Variants in PABPC4L observed in about 807,000 individuals in gnomAD.
PABPC4L encodes the protein poly(A) binding protein cytoplasmic 4 like, also known as polyadenylate-binding protein 4-like.
For synonymous variants in PABPC4L, 169 were observed against 164.1 expected (o/e 1.03, Z -0.23); for missense variants, 452 against 451.4 (o/e 1.00, Z -0.01).
the PABPC4L span, among the ~76,000 whole-genome samples, chr4:134,060,444 T>C: frequency 7.3e-5 from 11 of 151,428 alleles, no homozygotes; most frequent in Non-Finnish European, 1.0e-4. Context: ...CCCATCCTTC[T>C]GCTTGAGGAG....
the PABPC4L span, among the ~76,000 whole-genome samples, chr4:134,166,184 A>G: frequency 6.6e-6 from 1 of 152,110 alleles, no homozygotes; most frequent in Non-Finnish European, 1.5e-5. Flanking sequence ...TACAATGTAC[A>G]CTACTCAGGT....
At chr4:134,181,598 A>C in the PABPC4L span, among the ~76,000 whole-genome samples, 1 of 152,030 alleles carries the variant, frequency 6.6e-6, no homozygotes, top group African/African-American at 2.4e-5. Flanking sequence ...AATTCATACA[A>C]TATGTTTCTA....
chr4:134,135,377 T>G, the PABPC4L span, among the ~76,000 whole-genome samples: 1 of 152,262 alleles, frequency 6.6e-6, no homozygotes, highest in East Asian at 1.9e-4. Flanking sequence ...CTTTACCCCC[T>G]TTCTTCCATT....
At chr4:133,987,158 T>C in the PABPC4L span, among the ~76,000 whole-genome samples, 3 of 152,250 alleles carry the variant, frequency 2.0e-5, no homozygotes, top group East Asian at 1.9e-4. Context: ...GGGATTTGGT[T>C]TTGTTTTTAA....
the PABPC4L span, among the ~76,000 whole-genome samples, chr4:134,025,636 C>T: frequency 6.6e-6 from 1 of 152,188 alleles, no homozygotes; most frequent in Middle Eastern, 3.4e-3. Flanking sequence ...ATTAAATTCT[C>T]ATTTTATCAT....
At chr4:134,073,366 G>A in the PABPC4L span, among the ~76,000 whole-genome samples, 1 of 152,184 alleles carries the variant, frequency 6.6e-6, no homozygotes, top group Non-Finnish European at 1.5e-5. Flanking sequence ...TTGACTCCAT[G>A]TCTCACATCC....
chr4:134,111,467 A>G, the PABPC4L span, among the ~76,000 whole-genome samples: 1 of 151,986 alleles, frequency 6.6e-6, no homozygotes, highest in Non-Finnish European at 1.5e-5. Context: ...TAACTGTGAC[A>G]TATTAAGTGT....
the PABPC4L span, among the ~76,000 whole-genome samples, chr4:134,116,076 A>G: frequency 6.6e-6 from 1 of 151,854 alleles, no homozygotes; most frequent in Non-Finnish European, 1.5e-5. Context: ...GCTCATATAG[A>G]GAGGGTCCCA....
chr4:133,962,942 A>G, the PABPC4L span, among the ~76,000 whole-genome samples: 1 of 152,154 alleles, frequency 6.6e-6, no homozygotes, highest in Non-Finnish European at 1.5e-5. Context: ...CAAAAAACCA[A>G]GATATACAGG....
the PABPC4L span, among the ~76,000 whole-genome samples, chr4:134,129,522 AC>A: frequency 6.6e-6 from 1 of 151,912 alleles, no homozygotes; most frequent in African/African-American, 2.4e-5. Context: ...ACAAAACGAC[AC>A]CCCCAAACCA....
At chr4:134,068,933 C>G in the PABPC4L span, among the ~76,000 whole-genome samples, 1 of 152,044 alleles carries the variant, frequency 6.6e-6, no homozygotes, top group South Asian at 2.1e-4. Context: ...TGGTCTCGAA[C>G]TCCTGACCTC....
At chr4:134,117,160 A>G in the PABPC4L span, among the ~76,000 whole-genome samples, 1 of 151,508 alleles carries the variant, frequency 6.6e-6, no homozygotes, top group Non-Finnish European at 1.5e-5. Flanking sequence ...CCATATTTTC[A>G]TCTTAAAATG....
At chr4:134,082,259 T>C in the PABPC4L span, among the ~76,000 whole-genome samples, 526 of 152,292 alleles carry the variant, frequency 3.5e-3, 3 homozygotes, top group Admixed American at 7.2e-3. Context: ...GTTAGCTTTG[T>C]TTTTATTTCT....
the PABPC4L span, among the ~76,000 whole-genome samples, chr4:133,978,232 G>C: frequency 1.3e-5 from 2 of 152,128 alleles, no homozygotes; most frequent in Non-Finnish European, 1.5e-5. Context: ...GGGCTCTGTT[G>C]CTCCACCCCA....
the PABPC4L span, among the ~76,000 whole-genome samples, chr4:134,048,759 TATC>T: frequency 8.5e-5 from 13 of 152,120 alleles, no homozygotes; most frequent in Non-Finnish European, 2.9e-5. Context: ...GTATCAAAGT[TATC>T]ATCAACTCTT....
the PABPC4L span, among the ~76,000 whole-genome samples, chr4:133,957,266 G>T: frequency 1.1e-4 from 17 of 152,228 alleles, no homozygotes; most frequent in African/African-American, 3.6e-4. Context: ...GGAGAAATGG[G>T]CCCAAAGGGT....
At chr4:134,189,807 G>A in the PABPC4L span, among the ~76,000 whole-genome samples, 8 of 152,110 alleles carry the variant, frequency 5.3e-5, no homozygotes, top group Admixed American at 1.3e-4. Context: ...GGAATAACTA[G>A]AGTTGACTGG....
At chr4:134,154,381 TGGAG>T in the PABPC4L span, among the ~76,000 whole-genome samples, 1 of 151,832 alleles carries the variant, frequency 6.6e-6, no homozygotes, top group Non-Finnish European at 1.5e-5. Context: ...GTCTGAACCC[TGGAG>T]GCAGGGGTTG....
the PABPC4L span, among the ~76,000 whole-genome samples, chr4:134,012,606 C>T: frequency 6.6e-6 from 1 of 152,196 alleles, no homozygotes; most frequent in African/African-American, 2.4e-5. Context: ...GGTCTCTTCA[C>T]ATGGACATGC....
Sources: gnomAD v4.1 joint callset for allele counts (sites outside exome capture counted in the v4.1 genomes callset) on GRCh38, gnomAD v4.1.1 for gene constraint, MANE v1.5 for transcripts, NCBI Gene and HGNC (gene_info 2026-07-23, HGNC 2026-07-21) for gene names.